TNFSF11: variants seen among roughly 807,000 people sequenced by gnomAD.
The protein encoded by TNFSF11 is tumor necrosis factor ligand superfamily member 11.
In TNFSF11, 12 loss-of-function variants were observed where a neutral mutation model predicts 32.2. That is an observed-to-expected ratio of 0.37 (90% CI 0.24 to 0.60). TNFSF11 has a LOEUF of 0.60. Among genes scored for constraint, TNFSF11 ranks in the 20% least tolerant of loss-of-function variants. The probability of loss-of-function intolerance (pLI) is 0.66; values close to 1 mark genes in which losing one functional copy is unlikely to be tolerated. For missense variants in TNFSF11, 345 were observed against 398.0 expected (o/e 0.87, Z 1.13); for synonymous variants, 172 against 152.1 (o/e 1.13, Z -0.96).
chr13:42,604,019 A>C (rs1869317916), intron 4 of TNFSF11, among the ~76,000 whole-genome samples: 2 of 152,196 alleles, frequency 1.3e-5, no homozygotes, highest in African/African-American at 4.8e-5. Context: ...TAATCGGTCA[A>C]GGTTCCTCTC....
At chr13:42,606,129 T>C (rs1454048594) in intron 4 of TNFSF11, among the ~76,000 whole-genome samples, 1 of 152,228 alleles carries the variant, frequency 6.6e-6, no homozygotes, top group Non-Finnish European at 1.5e-5. Context: ...TTCTTTACCC[T>C]TCTGGGTGGA....
upstream of TNFSF11, among the ~76,000 whole-genome samples, chr13:42,569,517 C>T (rs148035256): frequency 1.5e-4 from 22 of 146,664 alleles, no homozygotes; most frequent in African/African-American, 4.0e-4. Flanking sequence ...CACTGCACTC[C>T]AGCCTGGGCT....
upstream of TNFSF11, among the ~76,000 whole-genome samples, chr13:42,570,439 G>A (rs1873022075): frequency 6.6e-6 from 1 of 152,114 alleles, no homozygotes. Context: ...TAAGGTACTA[G>A]GAAATATAGT....
intron 2 of TNFSF11, among the ~76,000 whole-genome samples, chr13:42,591,416 G>C (rs1304921473): frequency 6.6e-6 from 1 of 151,848 alleles, no homozygotes; most frequent in Non-Finnish European, 1.5e-5. Context: ...GGGAGGGTGA[G>C]GACCTGCCCT....
intron 2 of TNFSF11, among the ~76,000 whole-genome samples, chr13:42,599,342 T>TATCATCC (rs1243692744): frequency 3.7e-3 from 296 of 79,852 alleles, no homozygotes; most frequent in East Asian, 0.021. Context: ...TCTATCTATC[T>TATCATCC]ATCTATCATC....
In TNFSF11 at chr13:42,581,192, A is replaced by T; in HGVS notation, c.286A>T (p.Asn96Tyr). 6.2e-7 allele frequency: 1 copy of T among 1,614,140 alleles called. No homozygotes were observed. Among genetic ancestry groups the T allele is most frequent in the Non-Finnish European group, 8.5e-7 (1 of 1,179,986 alleles). The change falls in exon 2 of 5, where the codon AAT becomes TAT. Residue 96 changes from asparagine to tyrosine, a missense_variant. Asn to Tyr is a moderately radical substitution (Grantham distance 143). Transcript: ENST00000398795. ...TTATAGAATTTTGAGACTCCATGAA[A>T]ATGCAGATTTTCAAGACACAACTCT... ...CIYRILRLHE[N>Y]ADFQDTTLES...
intron 2 of TNFSF11, among the ~76,000 whole-genome samples, chr13:42,585,531 C>G (rs1330482451): frequency 6.6e-6 from 1 of 152,156 alleles, no homozygotes; most frequent in Admixed American, 6.5e-5. Flanking sequence ...CCAACCCTAC[C>G]AACCACAATT....
chr13:42,567,484 T>G (rs1231076397), intron 2 of TNFSF11, among the ~76,000 whole-genome samples: 1 of 152,208 alleles, frequency 6.6e-6, no homozygotes, highest in Non-Finnish European at 1.5e-5. Flanking sequence ...TTTTCCGTAA[T>G]GTCTGATAAT....
intron 2 of TNFSF11, among the ~76,000 whole-genome samples, chr13:42,586,244 C>T (rs567434803): frequency 9.8e-5 from 15 of 152,310 alleles, no homozygotes; most frequent in South Asian, 2.1e-4. Flanking sequence ...ACAGCCATTT[C>T]GCGCACATCT....
At chr13:42,599,937 G>C (rs891607469) in intron 2 of TNFSF11, among the ~76,000 whole-genome samples, 4 of 152,108 alleles carry the variant, frequency 2.6e-5, no homozygotes, top group African/African-American at 9.7e-5. Context: ...CCTGTGATGG[G>C]GTGCTGTTAA....
At chr13:42,594,933 A>G (rs1868715803) in intron 2 of TNFSF11, among the ~76,000 whole-genome samples, 1 of 147,510 alleles carries the variant, frequency 6.8e-6, no homozygotes, top group African/African-American at 2.5e-5. Context: ...TATGAGTTAA[A>G]TAGAAGTTGA....
At chr13:42,601,085 C>T (rs9566993) in intron 4 of TNFSF11, 104 bp downstream of exon 4, 19,523 of 1,291,876 alleles carry the variant, frequency 0.015, 280 homozygotes, top group East Asian at 0.058. Flanking sequence ...TTTTTGAGAG[C>T]CCTTACTTCA....
At chr13:42,585,246 C>A (rs950218768) in intron 2 of TNFSF11, among the ~76,000 whole-genome samples, 1 of 152,128 alleles carries the variant, frequency 6.6e-6, no homozygotes, top group Non-Finnish European at 1.5e-5. Context: ...TAAGTTTGTA[C>A]CTTAGTTTTA....
At chr13:42,564,173 T>TG (rs1237232374) in intron 1 of TNFSF11, among the ~76,000 whole-genome samples, 1 of 152,204 alleles carries the variant, frequency 6.6e-6, no homozygotes, top group African/African-American at 2.4e-5. Flanking sequence ...ACATGCTTAT[T>TG]TTTAAAAACA....
intron 4 of TNFSF11, 138 bp downstream of exon 4, chr13:42,601,119 C>T (rs1432374924): frequency 2.2e-6 from 2 of 892,360 alleles, no homozygotes; most frequent in African/African-American, 3.3e-5. Context: ...GACCATTCAT[C>T]CTCAGGTGAT....
chr13:42,585,237 A>G (rs913399091), intron 2 of TNFSF11, among the ~76,000 whole-genome samples: 6 of 152,222 alleles, frequency 3.9e-5, no homozygotes, highest in African/African-American at 1.2e-4. Flanking sequence ...ATTCTTAAGT[A>G]AGTTTGTACC....
chr13:42,572,404 A>C (rs879288226), upstream of TNFSF11, among the ~76,000 whole-genome samples: 2 of 152,232 alleles, frequency 1.3e-5, no homozygotes, highest in Non-Finnish European at 2.9e-5. Context: ...ACATTTTAAA[A>C]ATCTTTGATC....
chr13:42,588,549 G>A (rs112582842), intron 2 of TNFSF11, among the ~76,000 whole-genome samples: 2,514 of 152,276 alleles, frequency 0.017, 62 homozygotes, highest in African/African-American at 0.056. Context: ...GACAGCAAGG[G>A]ATAGATTGGA....
At chr13:42,569,941 T>A (rs958532419), upstream of TNFSF11, among the ~76,000 whole-genome samples, 1 of 152,038 alleles carries the variant, frequency 6.6e-6, no homozygotes, top group Non-Finnish European at 1.5e-5. Flanking sequence ...TCTGTTTTTT[T>A]AAATAAAATA....
Sources: gnomAD v4.1 joint callset for allele counts (sites outside exome capture counted in the v4.1 genomes callset) on GRCh38, gnomAD v4.1.1 for gene constraint, MANE v1.5 for transcripts, NCBI Gene and HGNC (gene_info 2026-07-23, HGNC 2026-07-21) for gene names.